Variants in ATP8A1 observed in about 807,000 individuals in gnomAD.
The protein encoded by ATP8A1 is ATPase phospholipid transporting 8A1, also known as phospholipid-transporting ATPase IA.
ATP8A1 carries 90 observed loss-of-function variants against 177.7 expected under a neutral mutation model. The ratio of observed to expected loss-of-function variants is 0.51; its 90% CI spans 0.43 to 0.60. The LOEUF (loss-of-function observed/expected upper bound fraction) is 0.60. Among genes scored for constraint, ATP8A1 ranks in the 20% least tolerant of loss-of-function variants. ATP8A1 has a pLI of 0.00. For synonymous variants in ATP8A1, 493 were observed against 485.9 expected (o/e 1.01, Z -0.19); for missense variants, 1,072 against 1,392.8 (o/e 0.77, Z 3.67).
intron 4 of ATP8A1, 69 bp downstream of exon 4, chr4:42,624,467 A>G: frequency 1.2e-6 from 1 of 851,682 alleles, no homozygotes; most frequent in Non-Finnish European, 1.7e-6. Context: ...TAATTTAAGA[A>G]AAAACTAATA....
intron 14 of ATP8A1, 23 bp downstream of exon 14, chr4:42,574,596 C>G (rs182515900): frequency 6.4e-7 from 1 of 1,573,904 alleles, no homozygotes; most frequent in African/African-American, 1.4e-5. Flanking sequence ...TATTTCATAT[C>G]CTAATTAAAG....
intron 25 of ATP8A1, among the ~76,000 whole-genome samples, chr4:42,480,866 A>G (rs1721598483): frequency 6.6e-6 from 1 of 152,222 alleles, no homozygotes; most frequent in African/African-American, 2.4e-5. Flanking sequence ...AAAAATGCTT[A>G]CTTCAATTTA....
chr4:42,446,885 T>C (rs4861194), intron 30 of ATP8A1, among the ~76,000 whole-genome samples: 48,010 of 150,694 alleles, frequency 0.32, 8,556 homozygotes, highest in East Asian at 0.59. Context: ...ATTTTCAGAG[T>C]CCACAAGATT....
At chr4:42,613,458 C>A (rs1177726142) in intron 5 of ATP8A1, among the ~76,000 whole-genome samples, 4 of 152,152 alleles carry the variant, frequency 2.6e-5, no homozygotes, top group Non-Finnish European at 4.4e-5. Flanking sequence ...CATGTCCTTT[C>A]ATATACTTTA....
intron 31 of ATP8A1, among the ~76,000 whole-genome samples, chr4:42,444,940 T>A (rs1717050624): frequency 6.6e-6 from 1 of 152,218 alleles, no homozygotes; most frequent in Non-Finnish European, 1.5e-5. Flanking sequence ...GTACAATTCA[T>A]GAACAGCAAC....
intron 4 of ATP8A1, among the ~76,000 whole-genome samples, chr4:42,618,201 A>G (rs1009143350): frequency 3.3e-5 from 5 of 152,160 alleles, no homozygotes; most frequent in African/African-American, 9.7e-5. Context: ...TTCTTATCAC[A>G]TCATTGCCAG....
At chr4:42,455,465 G>A in intron 28 of ATP8A1, 46 bp from the exon 29 acceptor site, 1 of 1,613,638 alleles carries the variant, frequency 6.2e-7, no homozygotes, top group Non-Finnish European at 8.5e-7. Flanking sequence ...CAAATGCAGG[G>A]TGAACCTTTA....
intron 6 of ATP8A1, among the ~76,000 whole-genome samples, chr4:42,591,648 A>G (rs2109370275): frequency 6.6e-6 from 1 of 152,288 alleles, no homozygotes; most frequent in East Asian, 1.9e-4. Context: ...TTGAATTAAC[A>G]GCTTGAGTTA....
At chr4:42,507,884 A>C (rs1025091647) in intron 22 of ATP8A1, among the ~76,000 whole-genome samples, 2 of 150,160 alleles carry the variant, frequency 1.3e-5, no homozygotes, top group African/African-American at 4.9e-5. Flanking sequence ...GTGAGGTTAC[A>C]TGTTAACACT....
chr4:42,537,369 G>T (rs1727957088), intron 20 of ATP8A1, among the ~76,000 whole-genome samples: 1 of 150,692 alleles, frequency 6.6e-6, no homozygotes, highest in East Asian at 2.0e-4. Context: ...AGACAAAGAC[G>T]CCCACTTTCA....
chr4:42,465,567 A>AGTT (rs1281502334), intron 25 of ATP8A1, among the ~76,000 whole-genome samples: 4 of 152,246 alleles, frequency 2.6e-5, no homozygotes, highest in Non-Finnish European at 5.9e-5. Context: ...ATCTGATTAT[A>AGTT]GTTCATGGGC....
chr4:42,572,504 G>A (rs1245186450), intron 14 of ATP8A1, among the ~76,000 whole-genome samples: 1 of 151,466 alleles, frequency 6.6e-6, no homozygotes, highest in Non-Finnish European at 1.5e-5. Flanking sequence ...AACTCTCTAC[G>A]ATGCTAACAG....
intron 21 of ATP8A1, among the ~76,000 whole-genome samples, chr4:42,524,335 TAGAA>T (rs1726456940): frequency 6.6e-6 from 1 of 152,192 alleles, no homozygotes; most frequent in African/African-American, 2.4e-5. Context: ...AAGTTTTTAA[TAGAA>T]AGTCCTGAGT....
rs1577780902 is a variant in ATP8A1 at position 42,647,973 on chromosome 4, A to C, written c.49+8852T>G. On this transcript the variant is annotated intron_variant, in intron 1 of 36. Coordinates refer to ENST00000381668, the MANE Select transcript of ATP8A1 (RefSeq NM_006095.2). ...CCTCATTTAAAAATACTTTGCTTTAAGACATACAATATAATTTTAAAACCT... is the reference window on the plus strand; with the variant it reads ...CCTCATTTAAAAATACTTTGCTTTACGACATACAATATAATTTTAAAACCT... Among the ~76,000 whole-genome samples, 3 of 152,214 alleles carry C rather than the reference A, an allele frequency of 2.0e-5. No homozygotes were observed. The South Asian group carries it at 6.2e-4, about 32-fold the overall frequency.
intron 25 of ATP8A1, among the ~76,000 whole-genome samples, chr4:42,467,310 G>A (rs1029065968): frequency 3.9e-5 from 6 of 152,020 alleles, no homozygotes; most frequent in Non-Finnish European, 7.4e-5. Flanking sequence ...GCCCATTTAA[G>A]AAAAAAGAAA....
chr4:42,638,963 A>C (rs1407447943), intron 1 of ATP8A1, among the ~76,000 whole-genome samples: 1 of 152,228 alleles, frequency 6.6e-6, no homozygotes, highest in East Asian at 1.9e-4. Context: ...TTCAAAAAAT[A>C]ACTGTATCAA....
rs73160938 is a variant in ATP8A1 at position 42,477,870 on chromosome 4, C to T, written c.2324+7626G>A. 7.4e-3 allele frequency among the ~76,000 whole-genome samples: 1,113 copies of T among 151,408 alleles called. 14 individuals are homozygous for T. The highest frequency in any genetic ancestry group is 0.026 in the African/African-American group (1,056 of 41,206). On this transcript the variant is annotated intron_variant, in intron 25 of 36. Coordinates refer to ENST00000381668, the MANE Select transcript of ATP8A1 (RefSeq NM_006095.2). ...TAGTGGCGCAGGCCTGTTATCCCAG[C>T]TACTCAGGAGGCTGATGTGAGAGGA...
At chr4:42,554,063 TTA>T (rs751038450) in intron 16 of ATP8A1, among the ~76,000 whole-genome samples, 1 of 152,094 alleles carries the variant, frequency 6.6e-6, no homozygotes, top group Non-Finnish European at 1.5e-5. Flanking sequence ...TCATGTTACT[TTA>T]TGAGTGAAGA....
At chr4:42,430,904 A>G (rs1484856383) in intron 33 of ATP8A1, among the ~76,000 whole-genome samples, 1 of 152,110 alleles carries the variant, frequency 6.6e-6, no homozygotes, top group Non-Finnish European at 1.5e-5. Context: ...CTTCAGGTAC[A>G]GTGAGGCCTT....
Sources: allele counts gnomAD v4.1 joint callset (sites outside exome capture counted in the v4.1 genomes callset), GRCh38; gene constraint gnomAD v4.1.1; transcripts MANE v1.5; gene names NCBI Gene and HGNC (gene_info 2026-07-23, HGNC 2026-07-21).